The following GRID1 variants were observed in gnomAD, a reference collection of about 807,000 sequenced individuals.
GRID1 encodes glutamate receptor ionotropic, delta-1.
In GRID1, 28 loss-of-function variants were observed where a neutral mutation model predicts 98.0. The ratio of observed to expected loss-of-function variants is 0.29; its 90% CI spans 0.21 to 0.39. The LOEUF is 0.39. GRID1 is among the 10% of genes least tolerant of loss of function. The probability of loss-of-function intolerance (pLI) is 1.00; values close to 1 mark genes in which losing one functional copy is unlikely to be tolerated. For synonymous variants in GRID1, 553 were observed against 538.5 expected, an observed-to-expected ratio of 1.03 and a Z score of -0.37; for missense variants, 1,111 against 1,340.5, an observed-to-expected ratio of 0.83 and a Z score of 2.67.
At chr10:85,675,458 C>G (rs138873257) in intron 12 of GRID1, among the ~76,000 whole-genome samples, 7 of 152,154 alleles carry the variant, frequency 4.6e-5, no homozygotes, top group Non-Finnish European at 8.8e-5. Flanking sequence ...GTGAGAAAGG[C>G]TGCTTTCAGG....
chr10:85,717,942 T>TTTC (rs1554826805), intron 12 of GRID1, among the ~76,000 whole-genome samples: 1 of 151,826 alleles, frequency 6.6e-6, no homozygotes, highest in Non-Finnish European at 1.5e-5. Context: ...TCCAAAATGA[T>TTTC]CTTTGACTCC....
At chr10:85,681,264 A>C (rs1008766615) in intron 12 of GRID1, among the ~76,000 whole-genome samples, 4 of 152,186 alleles carry the variant, frequency 2.6e-5, no homozygotes, top group Admixed American at 6.5e-5. Flanking sequence ...GAAAAGAGCA[A>C]AGGAACTCTG....
At chr10:86,112,322 T>C (rs1844501201) in intron 4 of GRID1, among the ~76,000 whole-genome samples, 1 of 152,176 alleles carries the variant, frequency 6.6e-6, no homozygotes, top group Admixed American at 6.5e-5. Context: ...GTCACAGGGA[T>C]ATGTATTCTC....
At chr10:86,049,989 C>T (rs576218878) in intron 4 of GRID1, among the ~76,000 whole-genome samples, 1 of 152,206 alleles carries the variant, frequency 6.6e-6, no homozygotes, top group African/African-American at 2.4e-5. Context: ...ATCTGATTTT[C>T]TGATCATCCA....
At chr10:86,332,885 C>T in intron 2 of GRID1, among the ~76,000 whole-genome samples, 1 of 152,186 alleles carries the variant, frequency 6.6e-6, no homozygotes, top group East Asian at 1.9e-4. Flanking sequence ...AACCTCCAAG[C>T]TCCTGCTCTG....
intron 4 of GRID1, among the ~76,000 whole-genome samples, chr10:86,083,481 C>T (rs1342381827): frequency 3.9e-5 from 6 of 152,358 alleles, no homozygotes; most frequent in African/African-American, 1.4e-4. Context: ...TCCTCGCTGT[C>T]ATGAGACAAC....
At chr10:86,298,575 A>G (rs1251385032) in intron 2 of GRID1, among the ~76,000 whole-genome samples, 5 of 152,094 alleles carry the variant, frequency 3.3e-5, no homozygotes, top group African/African-American at 9.7e-5. Context: ...CCAGGCTTCT[A>G]CTGTGCTTCT....
At chr10:86,049,845 C>T (rs143799722) in intron 4 of GRID1, among the ~76,000 whole-genome samples, 1 of 152,324 alleles carries the variant, frequency 6.6e-6, no homozygotes, top group African/African-American at 2.4e-5. Context: ...CGTTTAAGCC[C>T]AGCAAGCTAT....
At chr10:86,245,410 G>A (rs1306785579) in intron 2 of GRID1, among the ~76,000 whole-genome samples, 2 of 142,940 alleles carry the variant, frequency 1.4e-5, no homozygotes, top group Non-Finnish European at 2.9e-5. Context: ...ACTACCATTC[G>A]CTTTACTCCA....
At chr10:85,815,486 T>C (rs76971642) in intron 8 of GRID1, among the ~76,000 whole-genome samples, 4,672 of 152,128 alleles carry the variant, frequency 0.031, 116 homozygotes, top group Non-Finnish European at 0.044. Context: ...TGATTCTCTA[T>C]GTAGAAAAAA....
At position 85,678,660 on chromosome 10, in the gene GRID1, T is replaced by C. The variant is rs532702496; in HGVS notation, c.1998-31263A>G. On this transcript the variant is annotated intron_variant, in intron 12 of 15. Coordinates refer to ENST00000327946, the MANE Select transcript of GRID1 (RefSeq NM_017551.3). Reference sequence around the variant, plus strand: ...CCCATACATCAGCCCTTCTTTACCTTGCCTCTGGCTACCCTCTGTCTAAAG... The same window carrying C: ...CCCATACATCAGCCCTTCTTTACCTCGCCTCTGGCTACCCTCTGTCTAAAG... 2.6e-5 allele frequency among the ~76,000 whole-genome samples: 4 copies of C among 152,292 alleles called. No individual in the cohort carries two copies. In the South Asian group the frequency reaches 8.3e-4, roughly 32 times the overall value.
intron 8 of GRID1, among the ~76,000 whole-genome samples, chr10:85,759,506 C>G (rs1323427524): frequency 1.3e-5 from 2 of 152,238 alleles, no homozygotes; most frequent in African/African-American, 4.8e-5. Context: ...GAATATATCT[C>G]TCTGACTTTT....
intron 2 of GRID1, among the ~76,000 whole-genome samples, chr10:86,296,784 C>CACAT (rs3061904): frequency 2.2e-3 from 338 of 150,720 alleles, no homozygotes; most frequent in East Asian, 0.011. Flanking sequence ...CATACATACA[C>CACAT]ACATACATAC....
intron 2 of GRID1, among the ~76,000 whole-genome samples, chr10:86,316,762 A>G (rs1847905397): frequency 1.3e-5 from 2 of 152,074 alleles, no homozygotes; most frequent in South Asian, 2.1e-4. Context: ...ACAAACCCCA[A>G]CTGACCTGTT....
rs141629497 is a variant in GRID1, at chr10:86,085,007, C to T, written c.726+53812G>A. On this transcript the variant is annotated intron_variant, in intron 4 of 15. Coordinates refer to ENST00000327946, the MANE Select transcript of GRID1 (RefSeq NM_017551.3). ...TACCTAATGCCCTAAAAATGGTTAA[C>T]GTGGTAAATCTTATGTTATGTATTT... Among the ~76,000 whole-genome samples the T allele has an allele frequency of 1.6e-4, 25 of 152,228 alleles. No individual in the cohort carries two copies. In the East Asian group the frequency reaches 4.2e-3, roughly 26 times the overall value.
At chr10:85,870,154 T>A (rs745615448) in intron 5 of GRID1, among the ~76,000 whole-genome samples, 1 of 152,190 alleles carries the variant, frequency 6.6e-6, no homozygotes, top group Admixed American at 6.5e-5. Context: ...GTGGGCAACA[T>A]CTAATCAGCT....
At chr10:86,118,818 A>G (rs1844624697) in intron 4 of GRID1, among the ~76,000 whole-genome samples, 1 of 152,192 alleles carries the variant, frequency 6.6e-6, no homozygotes, top group East Asian at 1.9e-4. Flanking sequence ...CCATAACCCA[A>G]ATCTAATCAT....
intron 8 of GRID1, among the ~76,000 whole-genome samples, chr10:85,748,664 G>A (rs532319522): frequency 2.6e-5 from 4 of 152,086 alleles, no homozygotes; most frequent in South Asian, 2.1e-4. Flanking sequence ...GCAGGTCCTC[G>A]TGAATTTCAA....
At chr10:86,332,034 G>A (rs530932727) in intron 2 of GRID1, among the ~76,000 whole-genome samples, 71 of 152,290 alleles carry the variant, frequency 4.7e-4, no homozygotes, top group African/African-American at 1.6e-3. Flanking sequence ...CTCAGGGCAC[G>A]CCTGCAACAC....
Sources: gnomAD v4.1 joint callset for allele counts (sites outside exome capture counted in the v4.1 genomes callset) on GRCh38, gnomAD v4.1.1 for gene constraint, MANE v1.5 for transcripts, NCBI Gene and HGNC (gene_info 2026-07-23, HGNC 2026-07-21) for gene names.